The following E2F1 variants were observed in gnomAD, a reference collection of about 807,000 sequenced individuals.
The protein encoded by E2F1 is transcription factor E2F1.
In E2F1, 7 loss-of-function variants were observed where a neutral mutation model predicts 36.9. The ratio of observed to expected loss-of-function variants is 0.19; its 90% CI spans 0.11 to 0.36. The LOEUF (loss-of-function observed/expected upper bound fraction) is 0.36. Ranked by LOEUF, E2F1 falls within the 10% of genes least tolerant of loss-of-function variation. The probability of loss-of-function intolerance (pLI) is 1.00; values close to 1 mark genes in which losing one functional copy is unlikely to be tolerated. For missense variants in E2F1, 406 were observed against 573.6 expected (o/e 0.71, Z 2.99); for synonymous variants, 261 against 263.1 (o/e 0.99, Z 0.08).
Position 33,676,664 on chromosome 20 carries a change from G to A in E2F1, c.*68C>T. 1 of 1,519,902 alleles carries A rather than the reference G, an allele frequency of 6.6e-7. No homozygotes were observed. Among genetic ancestry groups the A allele is most frequent in the Non-Finnish European group, 8.8e-7 (1 of 1,132,810 alleles). 94.2% of individuals were successfully genotyped at this position (1,519,902 alleles called of 1,614,324 possible). A position where few individuals can be genotyped will look rare whatever the true frequency, so the allele number is the denominator to read the frequency against. ...CAAACAGGCTGGGAGGACGGCCAGGGACAGGGGGCTCCAGGGCTGCAGAGA... is the reference window on the plus strand; with the variant it reads ...CAAACAGGCTGGGAGGACGGCCAGGAACAGGGGGCTCCAGGGCTGCAGAGA... On this transcript the variant is annotated 3_prime_UTR_variant, in exon 7 of 7. Coordinates refer to ENST00000343380, the MANE Select transcript of E2F1 (RefSeq NM_005225.3).
intron 1 of E2F1, among the ~76,000 whole-genome samples, chr20:33,682,342 C>A (rs2018025754): frequency 6.6e-6 from 1 of 152,182 alleles, no homozygotes; most frequent in African/African-American, 2.4e-5. Flanking sequence ...GCTTCCCCTG[C>A]AACCCTCCGG....
In E2F1 at chr20:33,677,203, C is replaced by T. The variant is rs144481343; in HGVS notation, c.968G>A (p.Arg323Lys). 1.6e-4 allele frequency: 255 copies of T among 1,614,158 alleles called. No homozygotes were observed. In the African/African-American group the frequency reaches 2.2e-3, roughly 14 times the overall value. The change falls in exon 6 of 7, where the codon AGG becomes AAG. Residue 323 changes from arginine (R) to lysine (K), a missense_variant. By Grantham distance (26) the Arg-to-Lys change is conservative. This residue lies in a region of E2F1 where 163 missense variants were observed against 181.5 expected (regional missense o/e 0.90). Coordinates refer to ENST00000343380, the MANE Select transcript of E2F1 (RefSeq NM_005225.3). The part of the protein sequence containing the change: ...SQEVTSEEEN[R>K]ATDSATIVSP... ...CACTATGGTGGCAGAGTCAGTGGCC[C>T]TGTTCTCCTCCTCAGAAGTGACCTC... is the stretch of plus-strand genomic sequence containing the variant.
intron 1 of E2F1, 58 bp downstream of exon 1, chr20:33,685,946 C>G (rs981460770): frequency 1.8e-6 from 2 of 1,095,628 alleles, no homozygotes; most frequent in Non-Finnish European, 2.2e-6. Context: ...GGCGCCCTCC[C>G]GGGTCTGCGC....
At position 33,678,339 on chromosome 20, in the gene E2F1, G is replaced by A. The variant is rs1862522190; in HGVS notation, c.587C>T (p.Thr196Ile). ...CTCAAGCCGTCCGCCGACGCCCACT[G>A]TGGTGTGGCTGCCCCTGTGGGGAGG... ...NHIQWLGSHTTVGVGGRLEGL... is the reference protein window; with the variant it reads ...NHIQWLGSHTIVGVGGRLEGL... Residue 196 changes from threonine to isoleucine, a missense_variant, in exon 4 of 7, where the codon ACA (threonine) becomes ATA (isoleucine). Physicochemically the swap from Thr to Ile is moderately conservative, Grantham distance 89. Transcript: ENST00000343380. 1 of 1,612,220 alleles carries A rather than the reference G, an allele frequency of 6.2e-7. No homozygotes were observed. Among genetic ancestry groups the A allele is most frequent in the Non-Finnish European group, 8.5e-7 (1 of 1,179,982 alleles).
intron 3 of E2F1, among the ~76,000 whole-genome samples, 190 bp from the exon 4 acceptor site, chr20:33,678,543 A>AT (rs1846443318): frequency 6.6e-6 from 1 of 152,186 alleles, no homozygotes; most frequent in Admixed American, 6.5e-5. Flanking sequence ...TCTGGCCCGA[A>AT]TATAAACACC....
chr20:33,679,944 T>A lies in E2F1; in HGVS notation c.383A>T (p.Tyr128Phe), dbSNP rs1349182634. The A allele has an allele frequency of 2.5e-6, 4 of 1,614,150 alleles. No individual in the cohort carries two copies. The highest frequency in any genetic ancestry group is 4.5e-5 in the East Asian group (2 of 44,880). ...GGTGGTCAGATTCAGTGAGGTCTCA[T>A]AGCGTGACTTCTCCCCCGGGGATTT... is the stretch of plus-strand genomic sequence containing the variant. ...GVKSPGEKSRYETSLNLTTKR... is the reference protein window; with the variant it reads ...GVKSPGEKSRFETSLNLTTKR... Residue 128 changes from tyrosine (Y) to phenylalanine (F), a missense_variant, in exon 3 of 7, where the codon TAT (tyrosine) becomes TTT (phenylalanine). Physicochemically the swap from Tyr to Phe is conservative, Grantham distance 22. Transcript: ENST00000343380. This position sits in a 1 kb window ranked among gnomAD's most constrained non-coding sequence, Gnocchi z 4.6.
intron 1 of E2F1, among the ~76,000 whole-genome samples, chr20:33,684,387 C>T (rs755522313): frequency 2.6e-5 from 4 of 152,106 alleles, no homozygotes; most frequent in Non-Finnish European, 5.9e-5. Flanking sequence ...GCCACCTGGC[C>T]CACCCCTGGT....
In E2F1 at chr20:33,686,031, C is replaced by T. The variant is rs984482701; in HGVS notation, c.234G>A (p.Ala78=). ...TPQAPRPTPS[A]PRPALGRPPV... is the part of the protein sequence containing the mutation. ...GCGGGCGGCCGAGCGCGGGCCGCGGCGCACTGGGTGTGGGCCGGGGCGCCT... is the reference window on the plus strand; with the variant it reads ...GCGGGCGGCCGAGCGCGGGCCGCGGTGCACTGGGTGTGGGCCGGGGCGCCT... Residue 78 remains alanine (A), a synonymous_variant, in exon 1 of 7, where the codon GCG becomes GCA. Coordinates refer to ENST00000343380, the MANE Select transcript of E2F1 (RefSeq NM_005225.3). The T allele has an allele frequency of 2.6e-6, 3 of 1,133,460 alleles. No homozygotes were observed. The highest frequency in any genetic ancestry group is 4.3e-5 in the South Asian group (1 of 23,446). The allele number at this position is 1,133,460 out of a possible 1,614,324, so 70.2% of individuals were successfully genotyped here. A position where few individuals can be genotyped will look rare whatever the true frequency, so the allele number is the denominator to read the frequency against.
rs573937078 is a variant in E2F1 at position 33,680,228 on chromosome 20, G to A, written c.352+98C>T. The A allele has an allele frequency of 2.4e-5, 33 of 1,360,600 alleles. No homozygotes were observed. The East Asian group carries it at 5.0e-4, about 21-fold the overall frequency. 84.3% of individuals were successfully genotyped at this position (1,360,600 alleles called of 1,614,324 possible). A position where few individuals can be genotyped will look rare whatever the true frequency, so the allele number is the denominator to read the frequency against. On this transcript the variant is annotated intron_variant, in intron 2 of 6. Coordinates refer to ENST00000343380, the MANE Select transcript of E2F1 (RefSeq NM_005225.3). ...GTCCTCAGAGGCCTGGCTCAAGCCC[G>A]ACAAGCCAGACGTTAGCTTGCAAGC...
Position 33,677,648 on chromosome 20 carries a change from C to G in E2F1, c.726-108G>C. Reference sequence around the variant, plus strand: ...GCCTAGTCACTCCTGTCCTCCCAACCTCCTACCCACTCAAAACCTACCTCA... The same window carrying G: ...GCCTAGTCACTCCTGTCCTCCCAACGTCCTACCCACTCAAAACCTACCTCA... On this transcript the variant is annotated intron_variant, in intron 4 of 6. Coordinates refer to ENST00000343380, the MANE Select transcript of E2F1 (RefSeq NM_005225.3). 3.9e-6 allele frequency: 3 copies of G among 766,708 alleles called. No homozygotes were observed. In the Admixed American group the frequency reaches 7.8e-5, roughly 20 times the overall value. The allele number at this position is 766,708 out of a possible 1,614,324, so 47.5% of individuals were successfully genotyped here.
intron 1 of E2F1, among the ~76,000 whole-genome samples, chr20:33,681,723 C>A (rs1421880533): frequency 6.6e-6 from 1 of 152,174 alleles, no homozygotes; most frequent in Non-Finnish European, 1.5e-5. Flanking sequence ...AGTTCCTGAC[C>A]TGTCACCCTC....
At chr20:33,684,733 A>C (rs2018050091) in intron 1 of E2F1, among the ~76,000 whole-genome samples, 1 of 152,182 alleles carries the variant, frequency 6.6e-6, no homozygotes, top group South Asian at 2.1e-4. Context: ...TGATTCCGGA[A>C]GGCAGCACTG....
Position 33,683,092 on chromosome 20 carries a change from TA to T in E2F1, c.262-2677del, listed in dbSNP as rs941269067. ...CAACCACCACAAACAAAAATAGCCTTAGGGAAAAAAAGGAAAAAAATGAATA... is the reference window on the plus strand; with the variant it reads ...CAACCACCACAAACAAAAATAGCCTTGGGAAAAAAAGGAAAAAAATGAATA... On this transcript the variant is annotated intron_variant, in intron 1 of 6. Transcript: ENST00000343380. 4.6e-5 allele frequency among the ~76,000 whole-genome samples: 7 copies of T among 151,978 alleles called. 1 individual carries two copies. The highest frequency in any genetic ancestry group is 3.9e-4 in the Admixed American group (6 of 15,246).
chr20:33,680,257 T>C (rs1182265266), intron 2 of E2F1, 69 bp downstream of exon 2: 1 of 1,508,288 alleles, frequency 6.6e-7, no homozygotes, highest in East Asian at 2.3e-5. Flanking sequence ...TGCAAGCATG[T>C]TTGTCTGTTC....
chr20:33,682,894 C>T (rs1601188306), intron 1 of E2F1, among the ~76,000 whole-genome samples: 1 of 152,190 alleles, frequency 6.6e-6, no homozygotes, highest in East Asian at 1.9e-4. Flanking sequence ...TTATATGATC[C>T]CTTTTGGATT....
At chr20:33,677,079 A>G in intron 6 of E2F1, 26 bp downstream of exon 6, 5 of 1,062,628 alleles carry the variant, frequency 4.7e-6, no homozygotes, top group Non-Finnish European at 6.6e-6. Flanking sequence ...GCCCTGCCCC[A>G]CCCCACCCAC....
At position 33,679,618 on chromosome 20, in the gene E2F1, G is replaced by T; in HGVS notation, c.572+137C>A. The T allele has an allele frequency of 1.3e-6, 1 of 743,842 alleles. No homozygotes were observed. Among genetic ancestry groups the T allele is most frequent in the East Asian group, 2.5e-5 (1 of 39,744 alleles). The allele number at this position is 743,842 out of a possible 1,614,324, so 46.1% of individuals were successfully genotyped here. ...TGCTTTTTACCATCTATCATCTCAG[G>T]GAAGCTACCTCTCCTCTCTGAGCCC... On this transcript the variant is annotated intron_variant, in intron 3 of 6. Coordinates refer to ENST00000343380, the MANE Select transcript of E2F1 (RefSeq NM_005225.3). This position sits in a 1 kb window ranked among gnomAD's most constrained non-coding sequence, Gnocchi z 4.6.
At chr20:33,680,223 A>G in intron 2 of E2F1, 103 bp downstream of exon 2, 3 of 1,324,892 alleles carry the variant, frequency 2.3e-6, no homozygotes, top group Non-Finnish European at 3.1e-6. Flanking sequence ...GCCTGGCTCA[A>G]GCCCGACAAG....
intron 2 of E2F1, 59 bp downstream of exon 2, chr20:33,680,267 C>A: frequency 6.4e-7 from 1 of 1,553,484 alleles, no homozygotes; most frequent in South Asian, 1.1e-5. Flanking sequence ...TTTGTCTGTT[C>A]ACATCCCTAA....
Sources: gnomAD v4.1 joint callset for allele counts (sites outside exome capture counted in the v4.1 genomes callset) on GRCh38, gnomAD v4.1.1 for gene constraint, gnomAD v4.1.1 regional missense constraint, Gnocchi (gnomAD v3.1) non-coding constraint, MANE v1.5 for transcripts, NCBI Gene and HGNC (gene_info 2026-07-23, HGNC 2026-07-21) for gene names.